Variants in PNMA3 observed in about 807,000 individuals in gnomAD.
PNMA3 encodes the protein PNMA family member 3, also known as paraneoplastic antigen Ma3.
A neutral mutation model predicts 25.1 loss-of-function variants in PNMA3; 10 were observed. The ratio of observed to expected loss-of-function variants is 0.40; its 90% CI spans 0.25 to 0.68. PNMA3 has a LOEUF of 0.68. PNMA3 is among the 30% of genes least tolerant of loss of function. The probability of loss-of-function intolerance (pLI) is 0.40; values close to 1 mark genes in which losing one functional copy is unlikely to be tolerated. For synonymous variants in PNMA3, 134 were observed against 148.7 expected, an observed-to-expected ratio of 0.90 and a Z score of 0.72; for missense variants, 317 against 372.1, an observed-to-expected ratio of 0.85 and a Z score of 1.22.
chrX:153,056,864 CTGGGGG>C (rs1410324060), intron 1 of PNMA3, 80 bp from the exon 2 acceptor site: 6 of 364,322 alleles, frequency 1.6e-5, no homozygotes, highest in Non-Finnish European at 2.3e-5. Context: ...AGGAGGGCGG[CTGGGGG>C]TGGGGGTGGG....
In PNMA3 at chrX:153,059,655, C is replaced by T. The variant is rs781872541; in HGVS notation, c.*1208C>T. ...TAGTGACCCACGCGTCCAGCAGACGCCCACCCACCGCTAGCCGTTGTTCCT... is the reference window on the plus strand; with the variant it reads ...TAGTGACCCACGCGTCCAGCAGACGTCCACCCACCGCTAGCCGTTGTTCCT... On this transcript the variant is annotated 3_prime_UTR_variant, in exon 2 of 2. Coordinates refer to ENST00000593810, the MANE Select transcript of PNMA3 (RefSeq NM_013364.6). The T allele has an allele frequency of 8.0e-6, 1 of 124,355 alleles. No homozygotes were observed. The highest frequency in any genetic ancestry group is 2.8e-4 in the East Asian group (1 of 3,537). 10.2% of individuals were successfully genotyped at this position (124,355 alleles called of 1,213,427 possible). A position where few individuals can be genotyped will look rare whatever the true frequency, so the allele number is the denominator to read the frequency against.
At chrX:153,056,738 G>A in intron 1 of PNMA3, 100 bp downstream of exon 1, 1 of 226,320 alleles carries the variant, frequency 4.4e-6, no homozygotes, top group Non-Finnish European at 7.8e-6. Context: ...GCAGGGCAGG[G>A]GTCCAGGGTC....
At chrX:153,056,869 G>A in intron 1 of PNMA3, 81 bp from the exon 2 acceptor site, 1 of 512,944 alleles carries the variant, frequency 1.9e-6, no homozygotes, top group African/African-American at 2.5e-5. Flanking sequence ...GGCGGCTGGG[G>A]GTGGGGGTGG....
rs1012496640 is a variant in PNMA3 at position 153,060,142 on chromosome X, G to C, written c.*1695G>C. On this transcript the variant is annotated 3_prime_UTR_variant, in exon 2 of 2. Coordinates refer to ENST00000593810, the MANE Select transcript of PNMA3 (RefSeq NM_013364.6). The stretch of plus-strand genomic sequence containing the variant: ...CCAGTGTCCTGTGACTGTCCTGTGC[G>C]GGCCATAGGGCAGGGCCCTGCCCCA... 1 of 123,417 alleles carries C rather than the reference G, an allele frequency of 8.1e-6. No homozygotes were observed. The highest frequency in any genetic ancestry group is 3.2e-5 in the African/African-American group (1 of 30,980). 10.2% of individuals were successfully genotyped at this position (123,417 alleles called of 1,213,427 possible). A position where few individuals can be genotyped will look rare whatever the true frequency, so the allele number is the denominator to read the frequency against.
rs782232519 is a variant in PNMA3 at position 153,057,444 on chromosome X, G to A, written c.389G>A (p.Cys130Tyr). The A allele has an allele frequency of 2.0e-4, 246 of 1,209,257 alleles. 3 individuals are homozygous for A. In the South Asian group the frequency reaches 4.2e-3, roughly 21 times the overall value. The change falls in exon 2 of 2, where the codon TGT (cysteine) becomes TAT (tyrosine). Residue 130 changes from cysteine (C) to tyrosine (Y), a missense_variant. Cys to Tyr is a radical substitution (Grantham distance 194). Transcript: ENST00000593810. ...CGAGTCCTCGGGTCGGACACCAATT[G>A]TTCGGCTCCAAGAGTGACTATATCA... ...MNRVLGSDTNCSAPRVTISPE... is the reference protein window; with the variant it reads ...MNRVLGSDTNYSAPRVTISPE...
chrX:153,058,715 G>A lies in PNMA3; in HGVS notation c.*268G>A. 1.2e-6 allele frequency: 1 copy of A among 800,350 alleles called. No homozygotes were observed. Among genetic ancestry groups the A allele is most frequent in the Non-Finnish European group, 1.8e-6 (1 of 567,437 alleles). 66.0% of individuals were successfully genotyped at this position (800,350 alleles called of 1,213,427 possible). ...GGAAAGCAGGGAGCCACTGCATCCAGCACATGGGGTGCCTGGGCCTCAGAT... is the reference window on the plus strand; with the variant it reads ...GGAAAGCAGGGAGCCACTGCATCCAACACATGGGGTGCCTGGGCCTCAGAT... On this transcript the variant is annotated 3_prime_UTR_variant, in exon 2 of 2. Transcript: ENST00000593810.
chrX:153,057,814 G>T lies in PNMA3; in HGVS notation c.759G>T (p.Leu253Phe). ...VESHKIAQVK[L>F]CKAYQEAGEK... ...GCCATAAAATTGCCCAGGTGAAGTT[G>T]TGTAAAGCCTATCAGGAGGCAGGAG... is the stretch of plus-strand genomic sequence containing the variant. Residue 253 changes from leucine (L) to phenylalanine (F), a missense_variant, in exon 2 of 2, where the codon TTG becomes TTT. By Grantham distance (22) the Leu-to-Phe change is conservative. Coordinates refer to ENST00000593810, the MANE Select transcript of PNMA3 (RefSeq NM_013364.6). The T allele has an allele frequency of 8.2e-7, 1 of 1,212,508 alleles. No homozygotes were observed. The highest frequency in any genetic ancestry group is 1.1e-6 in the Non-Finnish European group (1 of 895,688).
In PNMA3 at chrX:153,056,977, C is replaced by T. The variant is rs1215461344; in HGVS notation, c.-79C>T. On this transcript the variant is annotated 5_prime_UTR_variant, in exon 2 of 2. Coordinates refer to ENST00000593810, the MANE Select transcript of PNMA3 (RefSeq NM_013364.6). ...TGTGGAGACCTGGGCCTTCTGCGAT[C>T]ACCCTAGGAGTTGATCCAGATATGT... The T allele has an allele frequency of 8.9e-7, 1 of 1,128,255 alleles. No individual in the cohort carries two copies. The highest frequency in any genetic ancestry group is 1.8e-5 in the African/African-American group (1 of 54,857). The allele number at this position is 1,128,255 out of a possible 1,213,427, so 93.0% of individuals were successfully genotyped here.
Position 153,058,004 on chromosome X carries a change from C to T in PNMA3, c.949C>T (p.Arg317Ter), listed in dbSNP as rs2051155726. 2.5e-6 allele frequency: 3 copies of T among 1,212,107 alleles called. No homozygotes were observed. The highest frequency in any genetic ancestry group is 3.5e-5 in the South Asian group (2 of 56,982). ...LRDKLKLMKQRRKPPGFLALV... is the reference protein window; with the variant it reads ...LRDKLKLMKQ Reference sequence around the variant, plus strand: ...AGATAAGCTTAAGCTGATGAAACAGCGAAGGAAGCCTCCTGGTTTCCTGGC... The same window carrying T: ...AGATAAGCTTAAGCTGATGAAACAGTGAAGGAAGCCTCCTGGTTTCCTGGC... Residue 317 changes from arginine (R) to a stop codon, truncating the protein, a stop_gained, in exon 2 of 2, where the codon CGA becomes TGA. Coordinates refer to ENST00000593810, the MANE Select transcript of PNMA3 (RefSeq NM_013364.6). LOFTEE classifies it high-confidence loss of function.
In PNMA3 at chrX:153,057,389, G is replaced by A; in HGVS notation, c.334G>A (p.Glu112Lys). The A allele has an allele frequency of 2.5e-6, 3 of 1,211,923 alleles. No homozygotes were observed. The highest frequency in any genetic ancestry group is 3.4e-6 in the Non-Finnish European group (3 of 895,517). The change falls in exon 2 of 2, where the codon GAG (glutamate) becomes AAG (lysine). Residue 112 changes from glutamate to lysine, a missense_variant. Transcript: ENST00000593810. ...CAACAGACTGAACCGCTTCTTAGAG[G>A]AGGAGAGGCGGACCGTGTCAGATAT... The part of the protein sequence containing the change: ...FLNRLNRFLE[E>K]ERRTVSDMNR...
Position 153,056,940 on chromosome X carries a change from G to T in PNMA3, c.-106-10G>T, listed in dbSNP as rs1556931993. 12 of 1,018,890 alleles carry T rather than the reference G, an allele frequency of 1.2e-5. No homozygotes were observed. The highest frequency in any genetic ancestry group is 1.9e-5 in the African/African-American group (1 of 52,527). 84.0% of individuals were successfully genotyped at this position (1,018,890 alleles called of 1,213,427 possible). On this transcript the variant is annotated splice_polypyrimidine_tract_variant and intron_variant, in intron 1 of 1. Transcript: ENST00000593810. Reference sequence around the variant, plus strand: ...CATTAACCTCGCTCTCGCCCTGCTCGCATTCACAGGCTGTGGAGACCTGGG... The same window carrying T: ...CATTAACCTCGCTCTCGCCCTGCTCTCATTCACAGGCTGTGGAGACCTGGG...
chrX:153,057,605 C>G lies in PNMA3; in HGVS notation c.550C>G (p.Leu184Val). 8.3e-7 allele frequency: 1 copy of G among 1,211,577 alleles called. No homozygotes were observed. Among genetic ancestry groups the G allele is most frequent in the South Asian group, 1.8e-5 (1 of 56,945 alleles). The change falls in exon 2 of 2, where the codon CTT becomes GTT. Residue 184 changes from leucine (L) to valine (V), a missense_variant. Leu to Val is a conservative substitution (Grantham distance 32). Transcript: ENST00000593810. Reference sequence around the variant, plus strand: ...AGGTGCACTGGCCTTTGATGCCTGGCTTGAGCACACCACTGAGATGCTACA... The same window carrying G: ...AGGTGCACTGGCCTTTGATGCCTGGGTTGAGCACACCACTGAGATGCTACA... Reference protein sequence around the residue: ...IPGALAFDAWLEHTTEMLQMW... With the variant: ...IPGALAFDAWVEHTTEMLQMW...
In PNMA3 at chrX:153,059,290, C is replaced by T. The variant is rs955213877; in HGVS notation, c.*843C>T. 8.2e-6 allele frequency: 1 copy of T among 122,489 alleles called. No homozygotes were observed. Among genetic ancestry groups the T allele is most frequent in the African/African-American group, 3.3e-5 (1 of 30,441 alleles). 10.1% of individuals were successfully genotyped at this position (122,489 alleles called of 1,213,427 possible). A position where few individuals can be genotyped will look rare whatever the true frequency, so the allele number is the denominator to read the frequency against. On this transcript the variant is annotated 3_prime_UTR_variant, in exon 2 of 2. Coordinates refer to ENST00000593810, the MANE Select transcript of PNMA3 (RefSeq NM_013364.6). ...TCTGCTTGTTTCTGTACAGGGCCACCAGACTCCTGGAGAGATCAAGCAAGG... is the reference window on the plus strand; with the variant it reads ...TCTGCTTGTTTCTGTACAGGGCCACTAGACTCCTGGAGAGATCAAGCAAGG...
chrX:153,056,864 C>T lies in PNMA3; in HGVS notation c.-106-86C>T, dbSNP rs782089898. Reference sequence around the variant, plus strand: ...AGGCGCCGCCCGGGGAGGAGGGCGGCTGGGGGTGGGGGTGGGGGTGGGCGT... The same window carrying T: ...AGGCGCCGCCCGGGGAGGAGGGCGGTTGGGGGTGGGGGTGGGGGTGGGCGT... On this transcript the variant is annotated intron_variant, in intron 1 of 1. Transcript: ENST00000593810. 737 of 363,564 alleles carry T rather than the reference C, an allele frequency of 2.0e-3. 12 individuals carry two copies. In the African/African-American group the frequency reaches 0.053, roughly 26 times the overall value. 30.0% of individuals were successfully genotyped at this position (363,564 alleles called of 1,213,427 possible).
At position 153,058,086 on chromosome X, in the gene PNMA3, G is replaced by A; in HGVS notation, c.1031G>A (p.Arg344Lys). ...EEWEATLGPD[R>K]ESLEGLEVAP... The stretch of plus-strand genomic sequence containing the variant: ...TGGGAGGCCACTTTAGGTCCAGATA[G>A]GGAGAGTCTGGAGGGGCTGGAAGTA... Residue 344 changes from arginine (R) to lysine (K), a missense_variant, in exon 2 of 2, where the codon AGG (arginine) becomes AAG (lysine). Transcript: ENST00000593810. 1 of 1,211,850 alleles carries A rather than the reference G, an allele frequency of 8.3e-7. No individual in the cohort carries two copies. The highest frequency in any genetic ancestry group is 1.1e-6 in the Non-Finnish European group (1 of 895,509).
chrX:153,057,153 A>G lies in PNMA3; in HGVS notation c.98A>G (p.Asp33Gly). 1 of 1,211,711 alleles carries G rather than the reference A, an allele frequency of 8.3e-7. No homozygotes were observed. Residue 33 changes from aspartate (D) to glycine (G), a missense_variant, in exon 2 of 2, where the codon GAT (aspartate) becomes GGT (glycine). Transcript: ENST00000593810. ...GGGATCCCCGAGGACTGTGGCGAGGATGAGTTTGAGGAGACACTCCAGGAG... is the reference window on the plus strand; with the variant it reads ...GGGATCCCCGAGGACTGTGGCGAGGGTGAGTTTGAGGAGACACTCCAGGAG... ...ILGIPEDCGE[D>G]EFEETLQEAC...
In PNMA3 at chrX:153,058,466, A is replaced by C. The variant is rs1464358631; in HGVS notation, c.*19A>C. On this transcript the variant is annotated 3_prime_UTR_variant, in exon 2 of 2. Transcript: ENST00000593810. ...CAAGTAGGCTCGGGAGAACAGGGCA[A>C]CATTTCCTACCACAGGCCAAGGAGA... 2 of 1,210,572 alleles carry C rather than the reference A, an allele frequency of 1.7e-6. No individual in the cohort carries two copies. The highest frequency in any genetic ancestry group is 3.5e-5 in the African/African-American group (2 of 57,302).
rs2051161565 is a variant in PNMA3 at position 153,058,634 on chromosome X, A to G, written c.*187A>G. On this transcript the variant is annotated 3_prime_UTR_variant, in exon 2 of 2. Coordinates refer to ENST00000593810, the MANE Select transcript of PNMA3 (RefSeq NM_013364.6). ...GGAAGGGACTTCAGCAACCAAGACC[A>G]CCTGGCAACAGGCTCAGTGGGGGTC... 6.9e-6 allele frequency: 8 copies of G among 1,156,409 alleles called. No individual in the cohort carries two copies. The highest frequency in any genetic ancestry group is 3.0e-4 in the Middle Eastern group (1 of 3,291).
rs782343745 is a variant in PNMA3, at chrX:153,058,552, G to C, written c.*105G>C. 2 of 1,201,823 alleles carry C rather than the reference G, an allele frequency of 1.7e-6. No homozygotes were observed. Among genetic ancestry groups the C allele is most frequent in the South Asian group, 3.6e-5 (2 of 55,891 alleles). On this transcript the variant is annotated 3_prime_UTR_variant, in exon 2 of 2. Transcript: ENST00000593810. ...CAGACAAACAGCAGATGAGTTGAGT[G>C]GGGCAGAGGGACAGGGCAGCCAGAC...
Sources: gnomAD v4.1 joint callset for allele counts on GRCh38, gnomAD v4.1.1 for gene constraint, MANE v1.5 for transcripts, NCBI Gene and HGNC (gene_info 2026-07-23, HGNC 2026-07-21) for gene names.